CNKSR2: variants seen among roughly 807,000 people sequenced by gnomAD.
CNKSR2 encodes connector enhancer of kinase suppressor of Ras 2.
Under a neutral mutation model 84.4 loss-of-function variants are expected in CNKSR2, and 14 were observed. The observed-to-expected ratio is 0.17, with a 90% CI of 0.11 to 0.26. CNKSR2 has a LOEUF of 0.26. Among genes scored for constraint, CNKSR2 ranks in the 10% least tolerant of loss-of-function variants. The pLI is 1.00. For synonymous variants in CNKSR2, 275 were observed against 277.9 expected, an observed-to-expected ratio of 0.99 and a Z score of 0.10; for missense variants, 485 against 771.2, an observed-to-expected ratio of 0.63 and a Z score of 4.40.
At chrX:21,449,862 G>A (rs1254787745) in intron 4 of CNKSR2, among the ~76,000 whole-genome samples, 3 of 112,059 alleles carry the variant, frequency 2.7e-5, no homozygotes, top group African/African-American at 9.7e-5. Context: ...AAGTCATATA[G>A]CCATGACTGA....
At chrX:21,542,398 T>C (rs2091984512) in intron 11 of CNKSR2, among the ~76,000 whole-genome samples, 1 of 112,310 alleles carries the variant, frequency 8.9e-6, no homozygotes, top group South Asian at 3.7e-4. Flanking sequence ...GATTTAATGG[T>C]AAGACATTGT....
In CNKSR2 at chrX:21,374,594, GGCAGCAGCAGCAGCAGCAGCA is replaced by G. The variant is rs3217648; in HGVS notation, c.-286_-266del. The G allele has an allele frequency of 2.4e-4, 109 of 456,265 alleles. No individual in the cohort carries two copies. Among genetic ancestry groups the G allele is most frequent in the South Asian group, 1.9e-3 (70 of 36,214 alleles). The allele number at this position is 456,265 out of a possible 1,213,427, so 37.6% of individuals were successfully genotyped here. On this transcript the variant is annotated 5_prime_UTR_variant, in exon 1 of 22. Transcript: ENST00000379510. ...ACGGAGACCGGAGCGGAGCGGCGGA[GGCAGCAGCAGCAGCAGCAGCA>G]GCAGCAGCAGCAGCAGCCGCCGCCG...
chrX:21,565,281 G>A (rs778792307), intron 13 of CNKSR2, among the ~76,000 whole-genome samples: 1 of 111,862 alleles, frequency 8.9e-6, no homozygotes, highest in East Asian at 2.8e-4. Flanking sequence ...ACTGTGTGCG[G>A]AAGGAAAGTA....
intron 13 of CNKSR2, among the ~76,000 whole-genome samples, chrX:21,581,590 G>A (rs1249704840): frequency 8.9e-6 from 1 of 111,791 alleles, no homozygotes; most frequent in African/African-American, 3.3e-5. Context: ...GTGTTAAAGT[G>A]GAAGTGGTGA....
rs148872257 is a variant in CNKSR2 at position 21,515,191 on chromosome X, G to T, written c.811-1294G>T. Among the ~76,000 whole-genome samples the T allele has an allele frequency of 4.9e-3, 545 of 111,174 alleles. 4 individuals are homozygous for T. Among genetic ancestry groups the T allele is most frequent in the Middle Eastern group, 0.014 (3 of 216 alleles). ...AACACTCAATTCAGCTATAGTTGAG[G>T]TTGCAATTTAGATGAATGCTTATTA... On this transcript the variant is annotated intron_variant, in intron 8 of 21. Transcript: ENST00000379510.
intron 5 of CNKSR2, among the ~76,000 whole-genome samples, chrX:21,485,848 T>A (rs1433249570): frequency 2.7e-5 from 3 of 112,303 alleles, no homozygotes; most frequent in Non-Finnish European, 5.6e-5. Flanking sequence ...TTAAAATACC[T>A]CGGGGGCTGG....
chrX:21,645,796 G>A (rs1218100160), intron 20 of CNKSR2: 1 of 111,562 alleles, frequency 9.0e-6, no homozygotes, highest in African/African-American at 3.3e-5. Flanking sequence ...GAAAATAAAG[G>A]TGCTTTCATA....
chrX:21,479,423 G>C lies in CNKSR2; in HGVS notation c.561+8616G>C, dbSNP rs550848726. 3.6e-5 allele frequency among the ~76,000 whole-genome samples: 4 copies of C among 111,410 alleles called. No individual in the cohort carries two copies. The South Asian group carries it at 1.5e-3, about 42-fold the overall frequency. On this transcript the variant is annotated intron_variant, in intron 5 of 21. Transcript: ENST00000379510. Reference sequence around the variant, plus strand: ...TATAATATTTGTTTTCCTTTGGGTAGATACCCAGTAGTGAGATAGCTGGAT... The same window carrying C: ...TATAATATTTGTTTTCCTTTGGGTACATACCCAGTAGTGAGATAGCTGGAT...
intron 5 of CNKSR2, among the ~76,000 whole-genome samples, chrX:21,488,144 C>A (rs144117207): frequency 2.7e-5 from 3 of 111,925 alleles, no homozygotes; most frequent in African/African-American, 3.2e-5. Context: ...TGCAGCTAGA[C>A]TAACCAGTGT....
At chrX:21,595,431 G>T (rs760331425) in intron 17 of CNKSR2, 36 bp downstream of exon 17, 5 of 830,887 alleles carry the variant, frequency 6.0e-6, no homozygotes, top group Non-Finnish European at 8.7e-6. Flanking sequence ...GGTCAGTGAG[G>T]CCTAGAATTC....
intron 17 of CNKSR2, among the ~76,000 whole-genome samples, chrX:21,597,519 A>G (rs1292059041): frequency 2.7e-5 from 3 of 111,873 alleles, no homozygotes; most frequent in Admixed American, 9.5e-5. Flanking sequence ...ATTAAAATGG[A>G]TTTTTATTGT....
At chrX:21,490,422 G>A (rs202020568) in intron 5 of CNKSR2, 37 bp from the exon 6 acceptor site, 81 of 1,168,542 alleles carry the variant, frequency 6.9e-5, no homozygotes, top group Non-Finnish European at 8.9e-5. Flanking sequence ...CTTACAACAC[G>A]TATTTACCAC....
chrX:21,435,340 G>A (rs2090688588), intron 3 of CNKSR2, among the ~76,000 whole-genome samples: 1 of 110,633 alleles, frequency 9.0e-6, no homozygotes, highest in South Asian at 3.8e-4. Flanking sequence ...AAATATTTTT[G>A]ATAACATTGC....
At chrX:21,548,748 G>T (rs771283141) in intron 11 of CNKSR2, among the ~76,000 whole-genome samples, 4 of 111,980 alleles carry the variant, frequency 3.6e-5, no homozygotes, top group Non-Finnish European at 5.6e-5. Flanking sequence ...TCATCCCTGG[G>T]ATGCAAGGCT....
At chrX:21,601,204 T>G in intron 17 of CNKSR2, 78 bp from the exon 18 acceptor site, 1 of 587,782 alleles carries the variant, frequency 1.7e-6, no homozygotes, top group Non-Finnish European at 2.7e-6. Context: ...CTTAGACATT[T>G]TAAAATAAAT....
intron 13 of CNKSR2, among the ~76,000 whole-genome samples, chrX:21,568,951 G>C (rs1037033482): frequency 9.0e-6 from 1 of 111,628 alleles, no homozygotes; most frequent in South Asian, 3.8e-4. Flanking sequence ...CAGTCTAAGT[G>C]CAGTGGTATA....
At chrX:21,515,551 T>G (rs2091719290) in intron 8 of CNKSR2, among the ~76,000 whole-genome samples, 1 of 111,391 alleles carries the variant, frequency 9.0e-6, no homozygotes, top group African/African-American at 3.3e-5. Context: ...AAATGTGAAT[T>G]TTTTTTAAAA....
chrX:21,413,394 C>T (rs953278460), intron 1 of CNKSR2, among the ~76,000 whole-genome samples: 1 of 110,350 alleles, frequency 9.1e-6, no homozygotes, highest in Admixed American at 9.6e-5. Flanking sequence ...GTGAAATAAT[C>T]ACATCATGGA....
At chrX:21,450,504 A>T (rs1015236608) in intron 4 of CNKSR2, among the ~76,000 whole-genome samples, 1 of 112,035 alleles carries the variant, frequency 8.9e-6, no homozygotes, top group Non-Finnish European at 1.9e-5. Context: ...AGACAAACGT[A>T]TAGGGCCTGA....
Sources: allele counts gnomAD v4.1 joint callset (sites outside exome capture counted in the v4.1 genomes callset), GRCh38; gene constraint gnomAD v4.1.1; transcripts MANE v1.5; gene names NCBI Gene and HGNC (gene_info 2026-07-23, HGNC 2026-07-21).